Variants in KCNIP4 observed in about 807,000 individuals in gnomAD.
The protein encoded by KCNIP4 is Kv channel-interacting protein 4.
Under a neutral mutation model 34.0 loss-of-function variants are expected in KCNIP4, and 12 were observed. The ratio of observed to expected loss-of-function variants is 0.35; its 90% CI spans 0.23 to 0.57. KCNIP4 has a LOEUF of 0.57. KCNIP4 is among the 20% of genes least tolerant of loss of function. KCNIP4 has a pLI of 0.83. For missense variants in KCNIP4, 238 were observed against 311.7 expected (o/e 0.76, Z 1.78); for synonymous variants, 124 against 102.2 (o/e 1.21, Z -1.29).
At chr4:21,944,598 A>G (rs1249396448) in intron 1 of KCNIP4, among the ~76,000 whole-genome samples, 1 of 151,396 alleles carries the variant, frequency 6.6e-6, no homozygotes, top group Non-Finnish European at 1.5e-5. Context: ...GAGAGAAATC[A>G]GAGAAAGGAG....
intron 1 of KCNIP4, among the ~76,000 whole-genome samples, chr4:21,622,226 C>A (rs1254891780): frequency 2.0e-5 from 3 of 152,074 alleles, no homozygotes; most frequent in Non-Finnish European, 4.4e-5. Context: ...AAACTGCTTG[C>A]TAAAGTCTTT....
In KCNIP4 at chr4:21,109,492, G is replaced by A. The variant is rs532028240; in HGVS notation, c.62-226783C>T. Among the ~76,000 whole-genome samples, 163 of 152,280 alleles carry A rather than the reference G, an allele frequency of 1.1e-3. 1 individual carries two copies. Among genetic ancestry groups the A allele is most frequent in the Non-Finnish European group, 1.8e-3 (125 of 68,018 alleles). ...AGGGTGGGAGTGACCCGATTTTCCA[G>A]GTGCCGTCTGTCACCCCTTTCTTTG... On this transcript the variant is annotated intron_variant, in intron 1 of 8. Transcript: ENST00000382152.
intron 1 of KCNIP4, among the ~76,000 whole-genome samples, chr4:21,153,053 T>C (rs1433977936): frequency 6.6e-6 from 1 of 152,216 alleles, no homozygotes; most frequent in African/African-American, 2.4e-5. Context: ...CCTTACTTGC[T>C]GGACATTGGG....
At chr4:21,417,377 G>A (rs562521908) in intron 1 of KCNIP4, among the ~76,000 whole-genome samples, 96 of 151,490 alleles carry the variant, frequency 6.3e-4, no homozygotes, top group Non-Finnish European at 1.3e-3. Flanking sequence ...AAGGTGGTAA[G>A]AAGATTAAAA....
In KCNIP4 at chr4:20,848,279, GA is replaced by G. The variant is rs200366433; in HGVS notation, c.288+2263del. The stretch of plus-strand genomic sequence containing the variant: ...GAGAAATCAATAAAGATAGAGAAGA[GA>G]AAAAAATAGAGGAAGAGGAGGATGG... On this transcript the variant is annotated intron_variant, in intron 3 of 8. Transcript: ENST00000382152. Among the ~76,000 whole-genome samples the G allele has an allele frequency of 9.4e-3, 1,424 of 151,410 alleles. 10 individuals are homozygous for G. Among genetic ancestry groups the G allele is most frequent in the East Asian group, 0.033 (167 of 5,124 alleles).
chr4:21,619,094 A>G (rs1400500060), intron 1 of KCNIP4, among the ~76,000 whole-genome samples: 2 of 152,198 alleles, frequency 1.3e-5, no homozygotes, highest in Non-Finnish European at 2.9e-5. Flanking sequence ...GACTCAATAC[A>G]TGTTTGTGGA....
intron 1 of KCNIP4, among the ~76,000 whole-genome samples, chr4:21,252,748 C>T (rs572276899): frequency 7.0e-6 from 1 of 142,914 alleles, no homozygotes; most frequent in East Asian, 2.0e-4. Flanking sequence ...TTCCCTTTGG[C>T]AAATCCTCTT....
intron 3 of KCNIP4, among the ~76,000 whole-genome samples, chr4:20,765,404 C>T (rs1755309592): frequency 6.6e-6 from 1 of 152,130 alleles, no homozygotes; most frequent in Admixed American, 6.5e-5. Context: ...GAGGCATGTG[C>T]AAAGGGAAGC....
intron 1 of KCNIP4, among the ~76,000 whole-genome samples, chr4:21,374,753 C>T (rs1450855960): frequency 2.0e-5 from 3 of 147,134 alleles, no homozygotes; most frequent in Admixed American, 1.3e-4. Flanking sequence ...TTGACATTCC[C>T]CATGAACTAC....
chr4:21,828,655 A>G (rs911804540), intron 1 of KCNIP4, among the ~76,000 whole-genome samples: 2 of 152,026 alleles, frequency 1.3e-5, no homozygotes, highest in African/African-American at 4.8e-5. Flanking sequence ...ACTAATAGTG[A>G]TTAGAATGAT....
intron 1 of KCNIP4, among the ~76,000 whole-genome samples, chr4:21,629,817 T>C (rs996090321): frequency 6.7e-6 from 1 of 149,844 alleles, no homozygotes; most frequent in African/African-American, 2.5e-5. Flanking sequence ...TGTCTTGATG[T>C]CAGAAAACCA....
intron 1 of KCNIP4, among the ~76,000 whole-genome samples, chr4:20,981,122 C>T (rs753034038): frequency 5.9e-5 from 9 of 152,138 alleles, no homozygotes; most frequent in Non-Finnish European, 1.3e-4. Flanking sequence ...CATTGGACTT[C>T]ATCCTCAGAC....
intron 1 of KCNIP4, among the ~76,000 whole-genome samples, chr4:21,755,575 T>C (rs1717451288): frequency 6.6e-6 from 1 of 152,166 alleles, no homozygotes; most frequent in South Asian, 2.1e-4. Context: ...TTACTTGCTG[T>C]TGCTCATACC....
intron 1 of KCNIP4, among the ~76,000 whole-genome samples, chr4:21,902,577 G>T (rs1727768125): frequency 6.6e-6 from 1 of 152,128 alleles, no homozygotes; most frequent in African/African-American, 2.4e-5. Flanking sequence ...AGAGTGAAAG[G>T]AAAAACTTTC....
Position 21,124,642 on chromosome 4 carries a change from G to C in KCNIP4, c.62-241933C>G, listed in dbSNP as rs1021473511. ...ATATTCCTGGATCTGGCACTAATCAGGGCTAGCATAAAAGAAGGGGGGTCT... is the reference window on the plus strand; with the variant it reads ...ATATTCCTGGATCTGGCACTAATCACGGCTAGCATAAAAGAAGGGGGGTCT... On this transcript the variant is annotated intron_variant, in intron 1 of 8. Transcript: ENST00000382152. Among the ~76,000 whole-genome samples the C allele has an allele frequency of 4.0e-4, 61 of 151,970 alleles. 1 individual carries two copies. Among genetic ancestry groups the C allele is most frequent in the African/African-American group, 2.4e-5 (1 of 41,352 alleles).
chr4:21,173,768 G>A (rs956961383), intron 1 of KCNIP4, among the ~76,000 whole-genome samples: 1 of 152,106 alleles, frequency 6.6e-6, no homozygotes, highest in Non-Finnish European at 1.5e-5. Context: ...CAGAACTGTC[G>A]GGCAGACTTT....
rs1461527169 is a variant in KCNIP4, at chr4:20,728,930, A to AATC, written c.*1149_*1151dup. 8.5e-5 allele frequency: 13 copies of AATC among 152,282 alleles called. No homozygotes were observed. The highest frequency in any genetic ancestry group is 1.5e-4 in the Non-Finnish European group (10 of 68,038). 9.4% of individuals were successfully genotyped at this position (152,282 alleles called of 1,614,324 possible). On this transcript the variant is annotated 3_prime_UTR_variant, in exon 9 of 9. Coordinates refer to ENST00000382152, the MANE Select transcript of KCNIP4 (RefSeq NM_025221.6). ...AGTTTTGGCTAAGATGATTAAAAATAATCTGAATTATGATGAGCTAAATCA... is the reference window on the plus strand; with the variant it reads ...AGTTTTGGCTAAGATGATTAAAAATAATCATCTGAATTATGATGAGCTAAATCA...
At chr4:21,451,261 T>G (rs1206313813) in intron 1 of KCNIP4, among the ~76,000 whole-genome samples, 1 of 152,090 alleles carries the variant, frequency 6.6e-6, no homozygotes, top group East Asian at 1.9e-4. Flanking sequence ...ATTTTGTGGC[T>G]GAGAATAGCA....
chr4:21,104,561 G>A (rs1355210013), intron 1 of KCNIP4, among the ~76,000 whole-genome samples: 1 of 152,014 alleles, frequency 6.6e-6, no homozygotes, highest in African/African-American at 2.4e-5. Context: ...TCACTCTGAT[G>A]GTAGTTTCTT....
Sources: gnomAD v4.1 joint callset for allele counts (sites outside exome capture counted in the v4.1 genomes callset) on GRCh38, gnomAD v4.1.1 for gene constraint, MANE v1.5 for transcripts, NCBI Gene and HGNC (gene_info 2026-07-23, HGNC 2026-07-21) for gene names.